Variants in DLG2 observed in about 807,000 individuals in gnomAD.
DLG2 encodes discs large MAGUK scaffold protein 2.
DLG2 carries 45 observed loss-of-function variants against 132.5 expected under a neutral mutation model. That is an observed-to-expected ratio of 0.34 (90% CI 0.27 to 0.44). DLG2 has a LOEUF of 0.44. DLG2 is among the 20% of genes least tolerant of loss of function. DLG2 has a pLI of 1.00. For missense variants in DLG2, 1,045 were observed against 1,196.9 expected (o/e 0.87, Z 1.87); for synonymous variants, 424 against 419.6 (o/e 1.01, Z -0.13).
intron 11 of DLG2, among the ~76,000 whole-genome samples, chr11:84,026,072 T>C (rs2095528194): frequency 6.6e-6 from 1 of 152,062 alleles, no homozygotes; most frequent in Non-Finnish European, 1.5e-5. Context: ...CATAGATGTA[T>C]GATGGTATGC....
intron 6 of DLG2, among the ~76,000 whole-genome samples, chr11:84,841,036 G>A (rs1413729678): frequency 6.6e-6 from 1 of 151,200 alleles, no homozygotes; most frequent in Non-Finnish European, 1.5e-5. Context: ...CAGTAAGTAG[G>A]GGGGATAAAC....
intron 8 of DLG2, among the ~76,000 whole-genome samples, chr11:84,229,530 G>A (rs1167591846): frequency 6.6e-6 from 1 of 152,212 alleles, no homozygotes; most frequent in Non-Finnish European, 1.5e-5. Flanking sequence ...CTCTCTGAGT[G>A]AGCACTTATG....
intron 6 of DLG2, among the ~76,000 whole-genome samples, chr11:84,784,738 C>T (rs11234180): frequency 0.27 from 40,568 of 151,736 alleles, 5,954 homozygotes; most frequent in Middle Eastern, 0.32. Flanking sequence ...AAAAAAAAAG[C>T]TTGCTCAAAA....
chr11:84,696,883 G>A (rs572542572), intron 6 of DLG2, among the ~76,000 whole-genome samples: 2 of 151,250 alleles, frequency 1.3e-5, no homozygotes, highest in South Asian at 4.2e-4. Context: ...AAGTGGCATA[G>A]GTATTATTAT....
At chr11:83,502,211 G>A (rs1049130197) in intron 21 of DLG2, among the ~76,000 whole-genome samples, 1 of 152,154 alleles carries the variant, frequency 6.6e-6, no homozygotes, top group East Asian at 1.9e-4. Context: ...AGGAAACTGA[G>A]CTAGAGAAAG....
At chr11:83,930,929 C>G (rs139723996) in intron 14 of DLG2, among the ~76,000 whole-genome samples, 2 of 152,138 alleles carry the variant, frequency 1.3e-5, no homozygotes, top group African/African-American at 4.8e-5. Context: ...AAAGATAGAA[C>G]CTGTGTCACT....
At chr11:84,361,274 A>C (rs541378808) in intron 7 of DLG2, among the ~76,000 whole-genome samples, 1 of 152,062 alleles carries the variant, frequency 6.6e-6, no homozygotes, top group South Asian at 2.1e-4. Context: ...CATAAAGAAA[A>C]CCATACATCA....
rs1397370028 is a variant in DLG2, at chr11:84,163,022, T to C, written c.624+439A>G. 9.2e-5 allele frequency among the ~76,000 whole-genome samples: 14 copies of C among 152,276 alleles called. No individual in the cohort carries two copies. In the East Asian group the frequency reaches 2.7e-3, roughly 29 times the overall value. On this transcript the variant is annotated intron_variant, in intron 9 of 27. Coordinates refer to ENST00000376104, the MANE Select transcript of DLG2 (RefSeq NM_001142699.3). ...AGCTCTATGGGGTTGCTGTGTTTTT[T>C]CCTATGGGAGTAGTTTTAAAATGCA...
chr11:84,994,201 T>C (rs1229864365), intron 6 of DLG2, among the ~76,000 whole-genome samples: 2 of 152,196 alleles, frequency 1.3e-5, no homozygotes, highest in Non-Finnish European at 2.9e-5. Flanking sequence ...TTAGCCCTAA[T>C]ACAAACGTGA....
chr11:84,199,069 C>T (rs899480421), intron 8 of DLG2, among the ~76,000 whole-genome samples: 1 of 152,058 alleles, frequency 6.6e-6, no homozygotes, highest in Non-Finnish European at 1.5e-5. Context: ...AGTCTTCCTA[C>T]CTTATTCTTT....
intron 17 of DLG2, among the ~76,000 whole-genome samples, chr11:83,796,219 T>C (rs2042791785): frequency 6.6e-6 from 1 of 152,206 alleles, no homozygotes; most frequent in Non-Finnish European, 1.5e-5. Context: ...AACCTCCATG[T>C]GACACTGGAT....
intron 24 of DLG2, among the ~76,000 whole-genome samples, chr11:83,470,653 T>G (rs577401075): frequency 6.6e-6 from 1 of 152,312 alleles, no homozygotes; most frequent in African/African-American, 2.4e-5. Flanking sequence ...ATATGTTCTA[T>G]GGCAGGATCT....
chr11:83,614,954 T>C (rs758633132), intron 19 of DLG2, among the ~76,000 whole-genome samples: 1 of 152,212 alleles, frequency 6.6e-6, no homozygotes, highest in Non-Finnish European at 1.5e-5. Context: ...GGGTAGCAAG[T>C]GGTATTCTGG....
intron 11 of DLG2, among the ~76,000 whole-genome samples, chr11:84,048,866 CA>C (rs771615697): frequency 6.6e-6 from 1 of 151,228 alleles, no homozygotes; most frequent in Non-Finnish European, 1.5e-5. Context: ...ACACTATTGA[CA>C]AAGCTATCCA....
intron 19 of DLG2, among the ~76,000 whole-genome samples, chr11:83,554,389 C>A (rs1268187540): frequency 6.6e-6 from 1 of 152,126 alleles, no homozygotes; most frequent in East Asian, 1.9e-4. Context: ...TTCTTAAATT[C>A]TGTTTCCTAC....
At chr11:84,208,905 A>AG (rs1477707947) in intron 8 of DLG2, among the ~76,000 whole-genome samples, 1 of 152,222 alleles carries the variant, frequency 6.6e-6, no homozygotes, top group East Asian at 1.9e-4. Flanking sequence ...ACCGATAAGC[A>AG]GAAAAGGAAG....
chr11:83,506,272 G>A (rs1034154288), intron 21 of DLG2, among the ~76,000 whole-genome samples: 2 of 152,140 alleles, frequency 1.3e-5, no homozygotes, highest in African/African-American at 2.4e-5. Context: ...CTAAGTCCCT[G>A]AGCTGCAACA....
Position 85,487,605 on chromosome 11 carries a change from T to C in DLG2, c.40+111052A>G, listed in dbSNP as rs891232523. ...CAATTTCATAACTTGAAGACAGGTA[T>C]TTTGAAATAATCCAGTCAGACAAAA... On this transcript the variant is annotated intron_variant, in intron 3 of 27. Coordinates refer to ENST00000376104, the MANE Select transcript of DLG2 (RefSeq NM_001142699.3). 3.3e-5 allele frequency among the ~76,000 whole-genome samples: 5 copies of C among 151,896 alleles called. No homozygotes were observed. The East Asian group carries it at 9.7e-4, about 29-fold the overall frequency.
intron 6 of DLG2, among the ~76,000 whole-genome samples, chr11:84,802,312 G>A (rs1378663762): frequency 6.6e-6 from 1 of 152,038 alleles, no homozygotes; most frequent in Non-Finnish European, 1.5e-5. Context: ...TGTAATAAAG[G>A]GAGGTATGAT....
Sources: allele counts gnomAD v4.1 joint callset (sites outside exome capture counted in the v4.1 genomes callset), GRCh38; gene constraint gnomAD v4.1.1; transcripts MANE v1.5; gene names NCBI Gene and HGNC (gene_info 2026-07-23, HGNC 2026-07-21).